Variants in DLGAP2 observed in about 807,000 individuals in gnomAD.
The protein encoded by DLGAP2 is DLG associated protein 2.
DLGAP2 carries 26 observed loss-of-function variants against 100.3 expected under a neutral mutation model. The observed-to-expected ratio is 0.26, with a 90% CI of 0.19 to 0.36. The LOEUF is 0.36. DLGAP2 is among the 10% of genes least tolerant of loss of function. The probability of loss-of-function intolerance (pLI) is 1.00; values close to 1 mark genes in which losing one functional copy is unlikely to be tolerated. For missense variants in DLGAP2, 1,858 were observed against 1,453.2 expected (o/e 1.28, Z -4.53); for synonymous variants, 886 against 630.1 (o/e 1.41, Z -6.08).
chr8:1,306,449 C>T lies in DLGAP2; in HGVS notation c.106+47566C>T, dbSNP rs137910502. 3.8e-3 allele frequency among the ~76,000 whole-genome samples: 580 copies of T among 152,138 alleles called. 4 individuals are homozygous for T. The highest frequency in any genetic ancestry group is 0.013 in the African/African-American group (520 of 41,524). ...ATAAGACATTAAAGACACTAATGAA[C>T]GGAAAGACATCTGTGTTCATGGATT... On this transcript the variant is annotated intron_variant, in intron 3 of 14. Transcript: ENST00000637795.
intron 1 of DLGAP2, among the ~76,000 whole-genome samples, chr8:895,195 A>G (rs1162023042): frequency 6.6e-6 from 1 of 152,024 alleles, no homozygotes. Context: ...GAAATGGTAA[A>G]TCCTTGAGGT....
chr8:831,918 G>A (rs1796791839), intron 1 of DLGAP2, among the ~76,000 whole-genome samples: 2 of 152,118 alleles, frequency 1.3e-5, no homozygotes, highest in African/African-American at 4.8e-5. Flanking sequence ...TGACTGGCGT[G>A]AGATGGTATC....
At chr8:907,776 G>T (rs375248718) in intron 1 of DLGAP2, 136 bp from the exon 2 acceptor site, 13 of 392,334 alleles carry the variant, frequency 3.3e-5, no homozygotes, top group African/African-American at 2.5e-4. Context: ...CGTTTAATTT[G>T]TTAGGCCTTT....
intron 1 of DLGAP2, among the ~76,000 whole-genome samples, chr8:858,063 G>T (rs530219303): frequency 6.6e-6 from 1 of 152,208 alleles, no homozygotes; most frequent in East Asian, 1.9e-4. Context: ...CACCGTGTTG[G>T]CCAGGCTGGT....
At chr8:811,011 C>A (rs565422849) in intron 1 of DLGAP2, among the ~76,000 whole-genome samples, 1 of 152,168 alleles carries the variant, frequency 6.6e-6, no homozygotes, top group African/African-American at 2.4e-5. Context: ...GGATGGCCAC[C>A]GTGTAGAAGG....
chr8:998,060 CAT>C lies in DLGAP2; in HGVS notation c.73+90098_73+90099del, dbSNP rs1491366997. On this transcript the variant is annotated intron_variant, in intron 2 of 14. Coordinates refer to ENST00000637795, the MANE Select transcript of DLGAP2 (RefSeq NM_001346810.2). ...ATGTGCATACAGTCATACACAGAAA[CAT>C]ATACACATGCATGTGCACACACCCG... Among the ~76,000 whole-genome samples, 53 of 151,780 alleles carry C rather than the reference CAT, an allele frequency of 3.5e-4. 2 individuals are homozygous for C. The East Asian group carries it at 4.8e-3, about 14-fold the overall frequency.
intron 1 of DLGAP2, among the ~76,000 whole-genome samples, chr8:747,699 G>A (rs1193457914): frequency 1.7e-5 from 2 of 115,004 alleles, no homozygotes; most frequent in East Asian, 2.5e-4. Flanking sequence ...TGGGATGGGC[G>A]GGTCTGTGGT....
intron 8 of DLGAP2, among the ~76,000 whole-genome samples, chr8:1,639,820 G>T (rs562580930): frequency 6.6e-6 from 1 of 152,194 alleles, no homozygotes; most frequent in Non-Finnish European, 1.5e-5. Flanking sequence ...TCCAGCCTGG[G>T]CCTCCATTGT....
chr8:1,042,081 A>C (rs987673227), intron 2 of DLGAP2, among the ~76,000 whole-genome samples: 13 of 152,286 alleles, frequency 8.5e-5, no homozygotes, highest in African/African-American at 3.1e-4. Context: ...CCGTGTCCTC[A>C]GACTGCAAAC....
At chr8:1,417,894 G>C (rs1268822143) in intron 3 of DLGAP2, among the ~76,000 whole-genome samples, 1 of 152,206 alleles carries the variant, frequency 6.6e-6, no homozygotes, top group East Asian at 1.9e-4. Flanking sequence ...TGCAGTTCCA[G>C]GAGCCTTTTG....
At chr8:746,343 C>T (rs189328294) in intron 1 of DLGAP2, among the ~76,000 whole-genome samples, 2 of 152,368 alleles carry the variant, frequency 1.3e-5, no homozygotes, top group East Asian at 1.9e-4. Flanking sequence ...CATGCCAGCC[C>T]TGTGAGGTCA....
chr8:982,720 C>T (rs1800370922), intron 2 of DLGAP2, among the ~76,000 whole-genome samples: 1 of 152,110 alleles, frequency 6.6e-6, no homozygotes, highest in South Asian at 2.1e-4. Flanking sequence ...TGCTGCTGAC[C>T]TAACCAATAA....
rs74339696 is a variant in DLGAP2, at chr8:1,574,384, C to T, written c.1442+8490C>T. ...GCTCTGGTAACTGTGCTGAAGCCAA[C>T]ACCATGACCCAAGCCTTAGAGATGA... On this transcript the variant is annotated intron_variant, in intron 6 of 14. Transcript: ENST00000637795. Among the ~76,000 whole-genome samples the T allele has an allele frequency of 9.6e-3, 1,466 of 152,232 alleles. 32 individuals are homozygous for T. Among genetic ancestry groups the T allele is most frequent in the African/African-American group, 0.034 (1,409 of 41,534 alleles).
chr8:1,440,842 A>G (rs115646854), intron 3 of DLGAP2, among the ~76,000 whole-genome samples: 2,019 of 152,068 alleles, frequency 0.013, 53 homozygotes, highest in African/African-American at 0.047. Context: ...CAACCACGGA[A>G]CTCTCTGGAG....
intron 6 of DLGAP2, among the ~76,000 whole-genome samples, chr8:1,623,623 C>G (rs111900412): frequency 8.2e-6 from 1 of 122,068 alleles, no homozygotes; most frequent in Non-Finnish European, 1.7e-5. Flanking sequence ...ATGACGTGGC[C>G]CCAGTGTGCC....
At chr8:1,203,662 G>C (rs1246618969) in intron 2 of DLGAP2, among the ~76,000 whole-genome samples, 4 of 152,190 alleles carry the variant, frequency 2.6e-5, no homozygotes, top group Admixed American at 1.3e-4. Flanking sequence ...ATGGATGACG[G>C]TGCGAAGAAC....
intron 3 of DLGAP2, among the ~76,000 whole-genome samples, chr8:1,499,421 C>T (rs1233233888): frequency 7.2e-5 from 11 of 152,206 alleles, no homozygotes; most frequent in Admixed American, 7.2e-4. Context: ...TCCTTTCTCA[C>T]ACAGCTGGAC....
chr8:875,655 A>T (rs1362598262), intron 1 of DLGAP2, among the ~76,000 whole-genome samples: 2 of 152,222 alleles, frequency 1.3e-5, no homozygotes, highest in African/African-American at 4.8e-5. Flanking sequence ...GTATGTCCTT[A>T]TAGCAGTGTG....
chr8:1,061,881 G>A (rs376611722), intron 2 of DLGAP2, among the ~76,000 whole-genome samples: 5 of 152,036 alleles, frequency 3.3e-5, no homozygotes, highest in South Asian at 4.2e-4. Flanking sequence ...GGGCCCCTCC[G>A]AGCACCCTGC....
Sources: allele counts gnomAD v4.1 joint callset (sites outside exome capture counted in the v4.1 genomes callset), GRCh38; gene constraint gnomAD v4.1.1; transcripts MANE v1.5; gene names NCBI Gene and HGNC (gene_info 2026-07-23, HGNC 2026-07-21).